REDIC1: variants seen among roughly 807,000 people sequenced by gnomAD.
The protein encoded by REDIC1 is regulator of DNA class I crossover intermediates 1, also known as HEI10 Interacting Protein 1.
At chr12:39,719,008 AT>A in the REDIC1 span, among the ~76,000 whole-genome samples, 1 of 152,134 alleles carries the variant, frequency 6.6e-6, no homozygotes, top group African/African-American at 2.4e-5. Context: ...TAAAAGCTAC[AT>A]TTTTAATACA....
At chr12:39,635,927 A>G in the REDIC1 span, among the ~76,000 whole-genome samples, 1 of 152,146 alleles carries the variant, frequency 6.6e-6, no homozygotes, top group Non-Finnish European at 1.5e-5. Context: ...GTTTGTACCT[A>G]TAAAATTAGT....
chr12:39,675,870 A>G, the REDIC1 span, among the ~76,000 whole-genome samples: 1 of 152,196 alleles, frequency 6.6e-6, no homozygotes, highest in African/African-American at 2.4e-5. Flanking sequence ...AGTCTGGCTC[A>G]TGTGCAGCCC....
chr12:39,653,553 T>TC, the REDIC1 span, among the ~76,000 whole-genome samples: 1 of 106,544 alleles, frequency 9.4e-6, no homozygotes, highest in African/African-American at 3.2e-5. Flanking sequence ...TTCTTCTTCT[T>TC]CTTCTTTCTT....
the REDIC1 span, among the ~76,000 whole-genome samples, chr12:39,680,823 A>G: frequency 6.6e-6 from 1 of 152,088 alleles, no homozygotes; most frequent in Non-Finnish European, 1.5e-5. Context: ...AATTCTACTC[A>G]GCCATAAAAA....
the REDIC1 span, among the ~76,000 whole-genome samples, chr12:39,696,371 G>A: frequency 1.6e-4 from 24 of 150,460 alleles, no homozygotes; most frequent in East Asian, 3.9e-3. Context: ...GTGAAACCCC[G>A]TCTCTACTAA....
At chr12:39,740,993 G>A in the REDIC1 span, among the ~76,000 whole-genome samples, 1 of 151,948 alleles carries the variant, frequency 6.6e-6, no homozygotes, top group Non-Finnish European at 1.5e-5. Context: ...TTGAGATGGA[G>A]TCCCGCTCTG....
the REDIC1 span, among the ~76,000 whole-genome samples, chr12:39,710,761 CT>C: frequency 6.6e-6 from 1 of 151,870 alleles, no homozygotes; most frequent in East Asian, 1.9e-4. Context: ...TATTTTGTGA[CT>C]TAAACAAATG....
the REDIC1 span, chr12:39,650,119 T>C: frequency 9.1e-7 from 1 of 1,101,300 alleles, no homozygotes; most frequent in Non-Finnish European, 1.2e-6. The surrounding 1 kb of genome is among the most constrained non-coding windows in gnomAD (Gnocchi z 4.3). Context: ...TATTTTGGAC[T>C]ATTTTTACAA....
the REDIC1 span, among the ~76,000 whole-genome samples, chr12:39,839,201 C>T: frequency 2.0e-5 from 3 of 152,022 alleles, no homozygotes; most frequent in Non-Finnish European, 4.4e-5. Context: ...CACTACCAGT[C>T]GGGACAGCGA....
the REDIC1 span, among the ~76,000 whole-genome samples, chr12:39,685,555 C>T: frequency 6.6e-6 from 1 of 152,108 alleles, no homozygotes; most frequent in East Asian, 1.9e-4. Flanking sequence ...CACCTCCCAC[C>T]AAGCCCCACC....
the REDIC1 span, among the ~76,000 whole-genome samples, chr12:39,833,945 G>GT: frequency 6.7e-6 from 1 of 150,186 alleles, no homozygotes; most frequent in Non-Finnish European, 1.5e-5. Flanking sequence ...AAAGTAGGTC[G>GT]TAAGACCCTC....
At chr12:39,712,786 C>A in the REDIC1 span, among the ~76,000 whole-genome samples, 1 of 134,320 alleles carries the variant, frequency 7.4e-6, no homozygotes, top group Non-Finnish European at 1.6e-5. Flanking sequence ...TGTGTATATA[C>A]GTATATGTAT....
the REDIC1 span, among the ~76,000 whole-genome samples, chr12:39,653,585 C>CTTCTTTCTTCTTCTTATTT: frequency 1.3e-5 from 1 of 75,220 alleles, no homozygotes; most frequent in Non-Finnish European, 2.7e-5. Flanking sequence ...TCTTCCTCTT[C>CTTCTTTCTTCTTCTTATTT]TTCTTCCTCT....
chr12:39,646,516 AC>A, the REDIC1 span: 3 of 1,456,196 alleles, frequency 2.1e-6, no homozygotes, highest in Admixed American at 7.0e-5. Flanking sequence ...TATTAACAAC[AC>A]TTTTACTCAC....
the REDIC1 span, chr12:39,683,278 A>G: frequency 2.6e-6 from 3 of 1,138,366 alleles, no homozygotes; most frequent in African/African-American, 1.6e-5. Flanking sequence ...GAAACCAAAA[A>G]TAGAATGGCT....
At chr12:39,872,632 C>T in the REDIC1 span, among the ~76,000 whole-genome samples, 1 of 152,178 alleles carries the variant, frequency 6.6e-6, no homozygotes, top group East Asian at 1.9e-4. Context: ...TTTAAAAGAC[C>T]ATAATGCCAG....
At chr12:39,634,785 G>A in the REDIC1 span, among the ~76,000 whole-genome samples, 4 of 152,200 alleles carry the variant, frequency 2.6e-5, no homozygotes, top group East Asian at 7.7e-4. Context: ...ATAGACAAAT[G>A]GGATCTAATT....
chr12:39,836,153 G>A, the REDIC1 span, among the ~76,000 whole-genome samples: 1 of 152,092 alleles, frequency 6.6e-6, no homozygotes, highest in South Asian at 2.1e-4. Context: ...TAGAGAGTTT[G>A]TAGTAAATAA....
chr12:39,718,804 C>T, the REDIC1 span, among the ~76,000 whole-genome samples: 1 of 152,024 alleles, frequency 6.6e-6, no homozygotes, highest in African/African-American at 2.4e-5. Flanking sequence ...AAGCTGCTTC[C>T]CCTATTACCT....
Sources: gnomAD v4.1 joint callset for allele counts (sites outside exome capture counted in the v4.1 genomes callset) on GRCh38, gnomAD v4.1.1 for gene constraint, Gnocchi (gnomAD v3.1) non-coding constraint, MANE v1.5 for transcripts, NCBI Gene and HGNC (gene_info 2026-07-23, HGNC 2026-07-21) for gene names.